The following ERG variants were observed in gnomAD, a reference collection of about 807,000 sequenced individuals.
ERG encodes transcriptional regulator ERG.
Under a neutral mutation model 55.3 loss-of-function variants are expected in ERG, and 9 were observed. The ratio of observed to expected loss-of-function variants is 0.16; its 90% confidence interval spans 0.10 to 0.28. The LOEUF (loss-of-function observed/expected upper bound fraction) is 0.28. Ranked by LOEUF, ERG falls within the 10% of genes least tolerant of loss-of-function variation. The pLI is 1.00. For missense variants in ERG, 434 were observed against 631.6 expected (o/e 0.69, Z 3.35); for synonymous variants, 223 against 237.3 (o/e 0.94, Z 0.55).
At chr21:38,610,416 G>A (rs73217983) in intron 1 of ERG, among the ~76,000 whole-genome samples, 30,244 of 152,230 alleles carry the variant, frequency 0.2, 3,472 homozygotes, top group Non-Finnish European at 0.26. Context: ...AAAGAGCCCA[G>A]ACTCAGTCTC....
rs114603406 is a variant in ERG, at chr21:38,453,109, T to C, written c.19-7488A>G. Among the ~76,000 whole-genome samples the C allele has an allele frequency of 2.8e-3, 420 of 152,172 alleles. 2 individuals are homozygous for C. The highest frequency in any genetic ancestry group is 9.6e-3 in the African/African-American group (400 of 41,498). On this transcript the variant is annotated intron_variant, in intron 1 of 9. Coordinates refer to ENST00000288319, the MANE Select transcript of ERG (RefSeq NM_182918.4). ...GCCAACGCCCAGGAGTTCCAGGGAG[T>C]TTGGAAAATAATTGCCATTGGCAAT...
At chr21:38,432,807 G>A (rs905921333) in intron 2 of ERG, among the ~76,000 whole-genome samples, 3 of 152,160 alleles carry the variant, frequency 2.0e-5, no homozygotes, top group Non-Finnish European at 4.4e-5. Flanking sequence ...TCATGGTCTC[G>A]ACTCCAAGTA....
At chr21:38,619,908 GAAGAA>G in intron 1 of ERG, among the ~76,000 whole-genome samples, 1 of 152,324 alleles carries the variant, frequency 6.6e-6, no homozygotes, top group Non-Finnish European at 1.5e-5. Context: ...ATCAATCCCA[GAAGAA>G]AAGAAGATAC....
chr21:38,497,982 G>A (rs1436353023), intron 1 of ERG, among the ~76,000 whole-genome samples: 3 of 152,148 alleles, frequency 2.0e-5, no homozygotes, highest in Non-Finnish European at 2.9e-5. Context: ...ATTCACAAAC[G>A]CATCTTTTGC....
intron 7 of ERG, 24 bp from the exon 8 acceptor site, chr21:38,391,739 G>A (rs758161265): frequency 6.2e-6 from 10 of 1,605,700 alleles, no homozygotes; most frequent in Non-Finnish European, 8.5e-6. Context: ...AATACAAAAG[G>A]CAATTAGCTA....
chr21:38,589,826 C>A (rs141197308), upstream of ERG, among the ~76,000 whole-genome samples: 16 of 152,262 alleles, frequency 1.1e-4, no homozygotes, highest in African/African-American at 3.1e-4. Context: ...GGCAGCTAGG[C>A]ACATCAAATG....
At chr21:38,543,822 C>T (rs993317918) in intron 2 of ERG, among the ~76,000 whole-genome samples, 1 of 151,170 alleles carries the variant, frequency 6.6e-6, no homozygotes, top group Non-Finnish European at 1.5e-5. Flanking sequence ...CTGCAACCTC[C>T]ACCTCCTGGT....
chr21:38,488,802 G>GATTCAA (rs2059310353), intron 1 of ERG, among the ~76,000 whole-genome samples: 1 of 152,226 alleles, frequency 6.6e-6, no homozygotes, highest in Non-Finnish European at 1.5e-5. Context: ...AAAGGAGACA[G>GATTCAA]AGGTGCCTAC....
At chr21:38,476,321 C>A in intron 1 of ERG, among the ~76,000 whole-genome samples, 1 of 152,208 alleles carries the variant, frequency 6.6e-6, no homozygotes, top group Non-Finnish European at 1.5e-5. Context: ...CGCCCCTACA[C>A]CTTTCACCAA....
chr21:38,460,295 A>G lies in ERG; in HGVS notation c.19-14674T>C, dbSNP rs187174191. 3.5e-3 allele frequency among the ~76,000 whole-genome samples: 527 copies of G among 152,244 alleles called. 2 individuals carry two copies. The highest frequency in any genetic ancestry group is 0.012 in the African/African-American group (504 of 41,544). On this transcript the variant is annotated intron_variant, in intron 1 of 9. Coordinates refer to ENST00000288319, the MANE Select transcript of ERG (RefSeq NM_182918.4). The surrounding 1 kb of genome is among the most constrained non-coding windows in gnomAD (Gnocchi z 5.0). ...TAGAGCCTTGCAGGCCATGGCAGGA[A>G]CCTGGGTGTTGACTCAGAGAGAAGT...
chr21:38,391,064 T>C lies in ERG; in HGVS notation c.872-22A>G, dbSNP rs1319679739. On this transcript the variant is annotated intron_variant, in intron 8 of 9. Coordinates refer to ENST00000288319, the MANE Select transcript of ERG (RefSeq NM_182918.4). Reference sequence around the variant, plus strand: ...GGATCTACAGCAAAAAGAAACAAAGTCAAATCCTAGACATAGTTGTAACAT... The same window carrying C: ...GGATCTACAGCAAAAAGAAACAAAGCCAAATCCTAGACATAGTTGTAACAT... 20 of 1,601,590 alleles carry C rather than the reference T, an allele frequency of 1.2e-5. No homozygotes were observed. The Admixed American group carries it at 1.7e-4, about 13-fold the overall frequency.
chr21:38,406,541 CAGAG>C (rs1171414221), intron 3 of ERG, among the ~76,000 whole-genome samples: 1 of 152,172 alleles, frequency 6.6e-6, no homozygotes, highest in East Asian at 1.9e-4. Flanking sequence ...TCAGCCCTCA[CAGAG>C]AGAAGACCCC....
chr21:38,433,519 T>C (rs767839989), intron 2 of ERG, among the ~76,000 whole-genome samples: 4 of 152,050 alleles, frequency 2.6e-5, no homozygotes, highest in Non-Finnish European at 5.9e-5. Flanking sequence ...AAAAACAAAA[T>C]AAACTTGGCA....
At chr21:38,596,067 G>A (rs2060129810) in intron 1 of ERG, among the ~76,000 whole-genome samples, 1 of 140,802 alleles carries the variant, frequency 7.1e-6, no homozygotes, top group East Asian at 2.2e-4. Context: ...GGGGGGGGGG[G>A]GTCTCTTTTT....
At chr21:38,575,823 C>A (rs2836527) in intron 1 of ERG, 108,908 of 1,083,244 alleles carry the variant, frequency 0.1, 5,865 homozygotes, top group East Asian at 0.2. Context: ...CAGGACAGGA[C>A]ACAATTCACC....
chr21:38,512,841 A>C (rs2059522927), intron 2 of ERG, among the ~76,000 whole-genome samples: 1 of 152,206 alleles, frequency 6.6e-6, no homozygotes, highest in South Asian at 2.1e-4. Flanking sequence ...TATATTAATT[A>C]AAACCTACGG....
intron 4 of ERG, among the ~76,000 whole-genome samples, chr21:38,403,091 G>A (rs1988584062): frequency 6.6e-6 from 1 of 152,112 alleles, no homozygotes. Context: ...ATATAAAGTG[G>A]GGCTTCATGT....
chr21:38,463,417 T>A (rs2059061021), intron 1 of ERG, among the ~76,000 whole-genome samples: 2 of 152,154 alleles, frequency 1.3e-5, no homozygotes, highest in African/African-American at 4.8e-5. Flanking sequence ...TCGTCAGGGC[T>A]GGGGGAATAC....
At chr21:38,428,896 T>C (rs1472383999) in intron 2 of ERG, among the ~76,000 whole-genome samples, 1 of 152,160 alleles carries the variant, frequency 6.6e-6, no homozygotes, top group Non-Finnish European at 1.5e-5. Context: ...GTCTTTTTAT[T>C]TAATTTAAAT....
Sources: allele counts gnomAD v4.1 joint callset (sites outside exome capture counted in the v4.1 genomes callset), GRCh38; gene constraint gnomAD v4.1.1; non-coding constraint Gnocchi (gnomAD v3.1); transcripts MANE v1.5; gene names NCBI Gene and HGNC (gene_info 2026-07-23, HGNC 2026-07-21).